Variants in CSMD1 observed in about 807,000 individuals in gnomAD.
CSMD1 encodes the protein CUB and Sushi multiple domains 1.
A neutral mutation model predicts 417.5 loss-of-function variants in CSMD1; 213 were observed. The ratio of observed to expected loss-of-function variants is 0.51; its 90% CI spans 0.46 to 0.57. The LOEUF (loss-of-function observed/expected upper bound fraction) is 0.57. CSMD1 is among the 20% of genes least tolerant of loss of function. The pLI is 0.00. For missense variants in CSMD1, 6,923 were observed against 4,529.7 expected (o/e 1.53, Z -15.17); for synonymous variants, 2,862 against 1,736.8 (o/e 1.65, Z -16.11).
rs147731781 is a variant in CSMD1 at position 4,696,607 on chromosome 8, T to C, written c.86-59049A>G. On this transcript the variant is annotated intron_variant, in intron 1 of 69. Coordinates refer to ENST00000635120, the MANE Select transcript of CSMD1 (RefSeq NM_033225.6). ...TTAATTTCCCCCGTATTACCCAGAT[T>C]TATTATCCAAACAACGTATTTCATA... Among the ~76,000 whole-genome samples, 640 of 152,314 alleles carry C rather than the reference T, an allele frequency of 4.2e-3. 8 individuals carry two copies. The highest frequency in any genetic ancestry group is 0.015 in the African/African-American group (607 of 41,576).
At chr8:4,817,741 A>T (rs1160009668) in intron 1 of CSMD1, among the ~76,000 whole-genome samples, 1 of 152,238 alleles carries the variant, frequency 6.6e-6, no homozygotes, top group Non-Finnish European at 1.5e-5. Context: ...GAATTAATAT[A>T]ATGCAGCTAT....
chr8:4,808,446 T>C (rs975794284), intron 1 of CSMD1, among the ~76,000 whole-genome samples: 2 of 152,232 alleles, frequency 1.3e-5, no homozygotes, highest in Admixed American at 1.3e-4. Context: ...AATTAAGCTC[T>C]TGTAACTTAC....
intron 1 of CSMD1, among the ~76,000 whole-genome samples, chr8:4,712,368 C>T (rs765789583): frequency 7.9e-5 from 12 of 152,192 alleles, no homozygotes; most frequent in East Asian, 7.7e-4. Context: ...TTGTACATGG[C>T]ACACACAGAA....
At chr8:3,268,430 A>C (rs1399629286) in intron 26 of CSMD1, among the ~76,000 whole-genome samples, 2 of 151,194 alleles carry the variant, frequency 1.3e-5, no homozygotes, top group Non-Finnish European at 2.9e-5. Context: ...CTGGGACTAC[A>C]GGTGCCCGCC....
At chr8:4,648,231 T>A (rs570911755) in intron 1 of CSMD1, among the ~76,000 whole-genome samples, 1 of 152,246 alleles carries the variant, frequency 6.6e-6, no homozygotes, top group Non-Finnish European at 1.5e-5. Flanking sequence ...GAAGTGTCTG[T>A]TCATATCCTT....
chr8:3,683,784 A>G (rs1799791703), intron 7 of CSMD1, among the ~76,000 whole-genome samples: 1 of 152,170 alleles, frequency 6.6e-6, no homozygotes, highest in African/African-American at 2.4e-5. Flanking sequence ...CAGTTAAACC[A>G]CATCTGCTTT....
intron 20 of CSMD1, among the ~76,000 whole-genome samples, chr8:3,361,247 C>T (rs564726811): frequency 2.0e-5 from 3 of 152,244 alleles, no homozygotes; most frequent in East Asian, 1.9e-4. Flanking sequence ...AATATTATCA[C>T]ATACCTTGCT....
At chr8:4,011,623 C>G (rs921695043) in intron 4 of CSMD1, among the ~76,000 whole-genome samples, 1 of 152,140 alleles carries the variant, frequency 6.6e-6, no homozygotes, top group African/African-American at 2.4e-5. Flanking sequence ...TAACATTCAT[C>G]CATTTCCTCA....
chr8:3,083,610 T>TATATATATATATATA lies in CSMD1; in HGVS notation c.7474+3486_7474+3487insTATATATATATATAT, dbSNP rs1563320328. ...TCCACGGTGACAGTTACCATAATTT[T>TATATATATATATATA]TATATATATATATATATATATATAT... On this transcript the variant is annotated intron_variant, in intron 49 of 69. Transcript: ENST00000635120. 8.1e-4 allele frequency among the ~76,000 whole-genome samples: 25 copies of TATATATATATATATA among 30,920 alleles called. 1 individual carries two copies. The highest frequency in any genetic ancestry group is 1.0e-3 in the Non-Finnish European group (19 of 18,608). The allele number at this position is 30,920 out of a possible 152,430, so 20.3% of individuals were successfully genotyped here. A position where few individuals can be genotyped will look rare whatever the true frequency, so the allele number is the denominator to read the frequency against.
chr8:4,609,636 C>A (rs992025400), intron 2 of CSMD1, among the ~76,000 whole-genome samples: 4 of 152,120 alleles, frequency 2.6e-5, no homozygotes, highest in Non-Finnish European at 5.9e-5. Context: ...TTTGACATCC[C>A]ATTCTTAATA....
At chr8:4,228,236 A>T (rs1038401859) in intron 3 of CSMD1, among the ~76,000 whole-genome samples, 2 of 152,124 alleles carry the variant, frequency 1.3e-5, no homozygotes, top group Admixed American at 6.5e-5. Flanking sequence ...TCACTGTAAA[A>T]ATATTTGCCT....
At chr8:3,120,761 C>G (rs1366053229) in intron 41 of CSMD1, among the ~76,000 whole-genome samples, 1 of 151,956 alleles carries the variant, frequency 6.6e-6, no homozygotes, top group South Asian at 2.1e-4. Flanking sequence ...GCAGAAGAAT[C>G]GCTTAAACCC....
chr8:4,137,052 G>A (rs967669287), intron 3 of CSMD1, among the ~76,000 whole-genome samples: 3 of 152,098 alleles, frequency 2.0e-5, no homozygotes, highest in Admixed American at 1.3e-4. Context: ...TTGGCTTTTC[G>A]GGCTCTAACT....
At chr8:4,367,479 A>G (rs1320379269) in intron 3 of CSMD1, among the ~76,000 whole-genome samples, 1 of 152,158 alleles carries the variant, frequency 6.6e-6, no homozygotes, top group Non-Finnish European at 1.5e-5. Flanking sequence ...GTACAGTTTG[A>G]AATCGGGTAG....
intron 7 of CSMD1, among the ~76,000 whole-genome samples, chr8:3,692,079 C>T (rs1022830879): frequency 2.0e-5 from 3 of 152,152 alleles, no homozygotes; most frequent in African/African-American, 4.8e-5. Context: ...CAGTCAACTT[C>T]GCAATCATCC....
At chr8:3,875,142 G>T (rs929528170) in intron 5 of CSMD1, among the ~76,000 whole-genome samples, 1 of 152,058 alleles carries the variant, frequency 6.6e-6, no homozygotes, top group Non-Finnish European at 1.5e-5. Flanking sequence ...GAAATTACTC[G>T]ATGTAAAATG....
At chr8:3,479,469 G>C (rs903486981) in intron 11 of CSMD1, among the ~76,000 whole-genome samples, 4 of 151,996 alleles carry the variant, frequency 2.6e-5, no homozygotes, top group Non-Finnish European at 5.9e-5. Flanking sequence ...TAGTACATAT[G>C]GGGTTTCTCC....
intron 33 of CSMD1, among the ~76,000 whole-genome samples, chr8:3,199,045 T>C (rs1796851698): frequency 6.6e-6 from 1 of 152,244 alleles, no homozygotes; most frequent in Admixed American, 6.5e-5. Flanking sequence ...TGAAAGTGTA[T>C]GAACAGTTTA....
At chr8:4,278,662 T>C (rs964555060) in intron 3 of CSMD1, among the ~76,000 whole-genome samples, 2 of 152,192 alleles carry the variant, frequency 1.3e-5, no homozygotes, top group Non-Finnish European at 2.9e-5. Flanking sequence ...TAGCTTTTTA[T>C]TAACATACCG....
Sources: allele counts gnomAD v4.1 joint callset (sites outside exome capture counted in the v4.1 genomes callset), GRCh38; gene constraint gnomAD v4.1.1; transcripts MANE v1.5; gene names NCBI Gene and HGNC (gene_info 2026-07-23, HGNC 2026-07-21).